The following CDIP1 variants were observed in gnomAD, a reference collection of about 807,000 sequenced individuals.
CDIP1 encodes the protein cell death-inducing p53-target protein 1.
In CDIP1, 9 loss-of-function variants were observed where a neutral mutation model predicts 17.7. The observed-to-expected ratio is 0.51, with a 90% CI of 0.31 to 0.89. The LOEUF is 0.89. CDIP1 is among the 40% of genes least tolerant of loss of function. The pLI, the probability that CDIP1 is intolerant of heterozygous loss-of-function variation, is 0.05. For missense variants in CDIP1, 263 were observed against 277.9 expected (o/e 0.95, Z 0.38); for synonymous variants, 117 against 109.5 (o/e 1.07, Z -0.43).
At chr16:4,527,277 C>T (rs1039073498) in intron 1 of CDIP1, among the ~76,000 whole-genome samples, 14 of 151,876 alleles carry the variant, frequency 9.2e-5, no homozygotes, top group East Asian at 1.9e-4. Flanking sequence ...TTAGTAGAGA[C>T]GGGGTTTCAC....
At chr16:4,529,042 C>G (rs2059028858) in intron 1 of CDIP1, among the ~76,000 whole-genome samples, 1 of 152,068 alleles carries the variant, frequency 6.6e-6, no homozygotes, top group African/African-American at 2.4e-5. Flanking sequence ...AAACACACCT[C>G]AGACTATAAT....
chr16:4,522,049 A>T (rs1417997203), intron 1 of CDIP1, among the ~76,000 whole-genome samples: 2 of 152,176 alleles, frequency 1.3e-5, no homozygotes, highest in Non-Finnish European at 2.9e-5. Context: ...GTCCTGGTGC[A>T]TGTTCACTAA....
chr16:4,530,220 G>C (rs1376475201), intron 1 of CDIP1, among the ~76,000 whole-genome samples: 1 of 152,232 alleles, frequency 6.6e-6, no homozygotes, highest in East Asian at 1.9e-4. Flanking sequence ...CACTACATTA[G>C]ATGCAACAGT....
chr16:4,537,759 T>C (rs1262768401), intron 1 of CDIP1, among the ~76,000 whole-genome samples: 1 of 152,218 alleles, frequency 6.6e-6, no homozygotes, highest in East Asian at 1.9e-4. Context: ...CAGAGGATCT[T>C]GAGCCCACCT....
chr16:4,533,151 A>T (rs541105562), intron 1 of CDIP1: 3 of 152,420 alleles, frequency 2.0e-5, no homozygotes, highest in African/African-American at 7.2e-5. Flanking sequence ...CAAGCCCAGC[A>T]GGAGCTGTCG....
At chr16:4,531,785 C>T (rs1445945671) in intron 1 of CDIP1, among the ~76,000 whole-genome samples, 1 of 152,260 alleles carries the variant, frequency 6.6e-6, no homozygotes. Flanking sequence ...TCAAAATACA[C>T]TTGAGTGGGA....
chr16:4,512,590 C>G lies in CDIP1; in HGVS notation c.609G>C (p.Thr203=), dbSNP rs200797234. The G allele has an allele frequency of 1.9e-6, 3 of 1,613,492 alleles. No homozygotes were observed. Among genetic ancestry groups the G allele is most frequent in the Non-Finnish European group, 2.5e-6 (3 of 1,179,486 alleles). ...AGCTCCGTTAGCACAGGCGCTTGTA[C>G]GTGTAGATGTAGGCTTTGCAGCTGG... ...TCPSCKAYIY[T]YKRLC is the part of the protein sequence containing the mutation. The change falls in exon 6 of 6, where the codon ACG becomes ACC. Residue 203 remains threonine (T), a synonymous_variant. Coordinates refer to ENST00000567695, the MANE Select transcript of CDIP1 (RefSeq NM_013399.3). The surrounding 1 kb of genome is among the most constrained non-coding windows in gnomAD (Gnocchi z 4.6).
At chr16:4,517,678 A>G (rs1198224673) in intron 1 of CDIP1, among the ~76,000 whole-genome samples, 1 of 151,948 alleles carries the variant, frequency 6.6e-6, no homozygotes, top group Non-Finnish European at 1.5e-5. Context: ...GACTCAGAGG[A>G]TACAGTGAGC....
chr16:4,536,059 C>T (rs563868680), intron 1 of CDIP1, among the ~76,000 whole-genome samples: 15 of 152,346 alleles, frequency 9.8e-5, no homozygotes, highest in African/African-American at 3.1e-4. Context: ...AGGTCCTCTG[C>T]AGAGCTCTCC....
In CDIP1 at chr16:4,514,112, G is replaced by C. The variant is rs549088101; in HGVS notation, c.19C>G (p.Pro7Ala). 341 of 1,546,362 alleles carry C rather than the reference G, an allele frequency of 2.2e-4. No individual in the cohort carries two copies. The highest frequency in any genetic ancestry group is 2.6e-4 in the Non-Finnish European group (302 of 1,157,080). The change falls in exon 3 of 6, where the codon CCT (proline) becomes GCT (alanine). Residue 7 changes from proline (P) to alanine (A), a missense_variant. Transcript: ENST00000567695. This position sits in a 1 kb window ranked among gnomAD's most constrained non-coding sequence, Gnocchi z 5.2. The stretch of plus-strand genomic sequence containing the variant: ...GCTGTGGGGCCCCCAGGATAAGGAG[G>C]GGGAGGCTCGCTGGACATCTTCGCT... MSSEPP[P>A]PYPGGPTAPL...
rs183460765 is a variant in CDIP1, at chr16:4,517,365, G to A, written c.-104-2701C>T. ...GAGGCCTAGAAAAGGATGGGGCGGG[G>A]CATAAGTCTAGGACCCCAGCATGAC... On this transcript the variant is annotated intron_variant, in intron 1 of 5. Coordinates refer to ENST00000567695, the MANE Select transcript of CDIP1 (RefSeq NM_013399.3). 9.9e-5 allele frequency among the ~76,000 whole-genome samples: 15 copies of A among 152,260 alleles called. No individual in the cohort carries two copies. The East Asian group carries it at 2.9e-3, about 29-fold the overall frequency.
intron 1 of CDIP1, among the ~76,000 whole-genome samples, chr16:4,521,700 TAAAAAAAAAAA>T (rs111828421): frequency 1.9e-4 from 17 of 90,576 alleles, no homozygotes; most frequent in African/African-American, 6.9e-4. Flanking sequence ...TCATCAATAT[TAAAAAAAAAAA>T]AAAAAAAAAA....
At chr16:4,523,990 G>A (rs2058975944) in intron 1 of CDIP1, 1 of 152,216 alleles carries the variant, frequency 6.6e-6, no homozygotes, top group Non-Finnish European at 1.5e-5. Flanking sequence ...GAGACCTCCG[G>A]CACCATTCAG....
intron 1 of CDIP1, among the ~76,000 whole-genome samples, chr16:4,520,625 T>TA (rs533796510): frequency 4.3e-4 from 65 of 152,290 alleles, no homozygotes; most frequent in African/African-American, 7.9e-4. Flanking sequence ...ACAATATATA[T>TA]TTTTTTAAAT....
chr16:4,529,927 G>A (rs940992112), intron 1 of CDIP1, among the ~76,000 whole-genome samples: 3 of 152,230 alleles, frequency 2.0e-5, no homozygotes, highest in Non-Finnish European at 4.4e-5. Context: ...CTCTGCCCGC[G>A]GCCAGGTCTT....
intron 1 of CDIP1, among the ~76,000 whole-genome samples, chr16:4,536,278 C>A (rs1943545256): frequency 6.6e-6 from 1 of 152,170 alleles, no homozygotes; most frequent in African/African-American, 2.4e-5. Flanking sequence ...GGGTGAAGGG[C>A]TGGTGTTTGT....
intron 1 of CDIP1, among the ~76,000 whole-genome samples, chr16:4,531,961 T>C (rs1462419233): frequency 2.0e-5 from 3 of 152,244 alleles, no homozygotes; most frequent in Non-Finnish European, 4.4e-5. Context: ...CAGAACGTGC[T>C]GTTTCCTCAG....
chr16:4,514,446 C>T lies in CDIP1; in HGVS notation c.-15+129G>A, dbSNP rs567160251. On this transcript the variant is annotated intron_variant, in intron 2 of 5. Coordinates refer to ENST00000567695, the MANE Select transcript of CDIP1 (RefSeq NM_013399.3). The surrounding 1 kb of genome is among the most constrained non-coding windows in gnomAD (Gnocchi z 5.2). ...AGCCTAACTCAGCACTTGCCCCACA[C>T]GAGAGCAGTTTGGCACCGAGCTCTC... is the stretch of plus-strand genomic sequence containing the variant. 193 of 353,758 alleles carry T rather than the reference C, an allele frequency of 5.5e-4. No homozygotes were observed. The highest frequency in any genetic ancestry group is 8.8e-4 in the Non-Finnish European group (174 of 197,484). 21.9% of individuals were successfully genotyped at this position (353,758 alleles called of 1,614,324 possible).
At chr16:4,515,120 T>C (rs1462837802) in intron 1 of CDIP1, 1 of 152,200 alleles carries the variant, frequency 6.6e-6, no homozygotes, top group East Asian at 1.9e-4. Flanking sequence ...ATAAAGGACT[T>C]GGGAAGTGGG....
Sources: allele counts gnomAD v4.1 joint callset (sites outside exome capture counted in the v4.1 genomes callset), GRCh38; gene constraint gnomAD v4.1.1; non-coding constraint Gnocchi (gnomAD v3.1); transcripts MANE v1.5; gene names NCBI Gene and HGNC (gene_info 2026-07-23, HGNC 2026-07-21).